The following DPP6 variants were observed in gnomAD, a reference collection of about 807,000 sequenced individuals.
DPP6 encodes dipeptidyl peptidase like 6.
Under a neutral mutation model 122.6 loss-of-function variants are expected in DPP6, and 69 were observed. That is an observed-to-expected ratio of 0.56 (90% CI 0.46 to 0.69). DPP6 has a LOEUF of 0.69. DPP6 is among the 30% of genes least tolerant of loss of function. DPP6 has a pLI of 0.00. For missense variants in DPP6, 928 were observed against 1,116.9 expected (o/e 0.83, Z 2.41); for synonymous variants, 418 against 433.1 (o/e 0.97, Z 0.43).
At chr7:154,575,342 TA>T (rs1831519337) in intron 5 of DPP6, among the ~76,000 whole-genome samples, 2 of 62,360 alleles carry the variant, frequency 3.2e-5, no homozygotes, top group East Asian at 6.4e-4. Flanking sequence ...GTGGTGTGTG[TA>T]TGTGTGTGTG....
chr7:154,156,931 G>T (rs1796712623), intron 1 of DPP6, among the ~76,000 whole-genome samples: 3 of 152,290 alleles, frequency 2.0e-5, no homozygotes, highest in South Asian at 2.1e-4. Flanking sequence ...GGGTGGGGAG[G>T]TATATATTGG....
intron 1 of DPP6, among the ~76,000 whole-genome samples, chr7:154,280,751 A>G (rs1804448173): frequency 6.6e-6 from 1 of 152,148 alleles, no homozygotes; most frequent in South Asian, 2.1e-4. Flanking sequence ...TCTTCTACCA[A>G]TAACGCAGTG....
At chr7:154,635,119 TC>T (rs145675598) in intron 5 of DPP6, among the ~76,000 whole-genome samples, 2,695 of 152,284 alleles carry the variant, frequency 0.018, 34 homozygotes, top group Non-Finnish European at 0.028. Flanking sequence ...TCAGGTCAAA[TC>T]CCACTTGACT....
the DPP6 span, among the ~76,000 whole-genome samples, chr7:153,851,796 T>G: frequency 1.1e-4 from 17 of 152,272 alleles, 1 homozygote; most frequent in Admixed American, 9.8e-4. Flanking sequence ...CCCAGATCTA[T>G]CTTCTATGTT....
chr7:154,280,857 G>A lies in DPP6; in HGVS notation c.244-165357G>A, dbSNP rs142027435. Among the ~76,000 whole-genome samples, 1,428 of 152,168 alleles carry A rather than the reference G, an allele frequency of 9.4e-3. 26 individuals carry two copies. Among genetic ancestry groups the A allele is most frequent in the African/African-American group, 0.032 (1,331 of 41,496 alleles). Reference sequence around the variant, plus strand: ...TATGCAATTATCGTAGCCATCCCACGAGGTAACCATTGTTATCCCATTTTT... The same window carrying A: ...TATGCAATTATCGTAGCCATCCCACAAGGTAACCATTGTTATCCCATTTTT... On this transcript the variant is annotated intron_variant, in intron 1 of 25. Coordinates refer to ENST00000377770, the MANE Select transcript of DPP6 (RefSeq NM_130797.4).
chr7:154,494,363 T>C (rs1174077403), intron 3 of DPP6, among the ~76,000 whole-genome samples: 1 of 148,718 alleles, frequency 6.7e-6, no homozygotes, highest in African/African-American at 2.4e-5. Flanking sequence ...CTCAAAAAAA[T>C]ATATATTATA....
At chr7:154,146,531 G>A (rs967299509) in intron 1 of DPP6, among the ~76,000 whole-genome samples, 4 of 152,146 alleles carry the variant, frequency 2.6e-5, no homozygotes, top group Admixed American at 6.5e-5. Context: ...CCTGCCTCTC[G>A]CAGCAGCTGG....
intron 1 of DPP6, among the ~76,000 whole-genome samples, chr7:153,960,762 T>G (rs928539907): frequency 2.7e-5 from 4 of 149,478 alleles, no homozygotes; most frequent in Non-Finnish European, 5.9e-5. Flanking sequence ...CCAGGTGCCC[T>G]CATACTGTGT....
At chr7:154,287,090 C>T (rs543768046) in intron 1 of DPP6, among the ~76,000 whole-genome samples, 16 of 152,288 alleles carry the variant, frequency 1.1e-4, no homozygotes, top group Admixed American at 5.2e-4. Flanking sequence ...TGTGAGCCAC[C>T]GTGCCTGGCC....
chr7:154,204,112 A>G (rs1452564871), intron 1 of DPP6, among the ~76,000 whole-genome samples: 2 of 152,172 alleles, frequency 1.3e-5, no homozygotes, highest in African/African-American at 4.8e-5. Context: ...GTCATCCTGC[A>G]GGGCAGTGCC....
chr7:154,609,938 A>G (rs1833802316), intron 5 of DPP6, among the ~76,000 whole-genome samples: 2 of 152,240 alleles, frequency 1.3e-5, no homozygotes, highest in Admixed American at 1.3e-4. Context: ...TTGGAAAAAC[A>G]AAAGCACCTG....
Position 153,926,814 on chromosome 7 carries a change from G to GAAA in DPP6, c.51+39089_51+39091dup, listed in dbSNP as rs940624318. Reference sequence around the variant, plus strand: ...GAAAAATACAGATTTGTAAAAAAAAGAAAAAAAAAAATACTACTTGTTACC... The same window carrying GAAA: ...GAAAAATACAGATTTGTAAAAAAAAGAAAAAAAAAAAAAATACTACTTGTTACC... On this transcript the variant is annotated intron_variant, in intron 1 of 25. Coordinates refer to the DPP6 transcript ENST00000404039. Among the ~76,000 whole-genome samples the GAAA allele has an allele frequency of 9.5e-5, 14 of 147,676 alleles. No individual in the cohort carries two copies. The South Asian group carries it at 1.8e-3, about 19-fold the overall frequency.
chr7:154,061,648 A>G, intron 1 of DPP6, among the ~76,000 whole-genome samples: 2 of 134,166 alleles, frequency 1.5e-5, no homozygotes, highest in Admixed American at 1.5e-4. Flanking sequence ...CGAGGCGGGG[A>G]CTCAGAGCCA....
chr7:154,304,188 GA>G (rs1419173936), intron 1 of DPP6, among the ~76,000 whole-genome samples: 31 of 152,242 alleles, frequency 2.0e-4, no homozygotes, highest in Non-Finnish European at 2.9e-5. Flanking sequence ...TCCAGACCAG[GA>G]GTGGGAAATG....
At chr7:154,042,721 TAA>T (rs1486886148) in intron 1 of DPP6, among the ~76,000 whole-genome samples, 1 of 152,212 alleles carries the variant, frequency 6.6e-6, no homozygotes, top group East Asian at 1.9e-4. Flanking sequence ...ATGAAGATTT[TAA>T]GGCAAACTAG....
chr7:153,949,660 T>G (rs1563039630), intron 1 of DPP6, among the ~76,000 whole-genome samples: 1 of 152,248 alleles, frequency 6.6e-6, no homozygotes, highest in Non-Finnish European at 1.5e-5. Flanking sequence ...AGCTCTGGAC[T>G]GTAACACCCC....
the DPP6 span, among the ~76,000 whole-genome samples, chr7:153,767,270 A>G: frequency 6.6e-6 from 1 of 152,188 alleles, no homozygotes; most frequent in African/African-American, 2.4e-5. Flanking sequence ...TAAGAGACAA[A>G]TTGTGTAAAA....
intron 1 of DPP6, among the ~76,000 whole-genome samples, chr7:154,188,165 C>T (rs766112353): frequency 6.6e-6 from 1 of 152,082 alleles, no homozygotes; most frequent in Non-Finnish European, 1.5e-5. Flanking sequence ...GCCATGAACA[C>T]CCCACAGTGA....
chr7:154,581,623 A>G (rs967444685), intron 5 of DPP6, among the ~76,000 whole-genome samples: 4 of 152,244 alleles, frequency 2.6e-5, no homozygotes, highest in Non-Finnish European at 4.4e-5. Context: ...TTGAGTTGAC[A>G]ACAAAGAACT....
Sources: allele counts gnomAD v4.1 joint callset (sites outside exome capture counted in the v4.1 genomes callset), GRCh38; gene constraint gnomAD v4.1.1; transcripts MANE v1.5; gene names NCBI Gene and HGNC (gene_info 2026-07-23, HGNC 2026-07-21).